Variants in TMEM94 observed in about 807,000 individuals in gnomAD.
The protein encoded by TMEM94 is transmembrane protein 94.
A neutral mutation model predicts 158.6 loss-of-function variants in TMEM94; 81 were observed. The observed-to-expected ratio is 0.51, with a 90% CI of 0.43 to 0.61. The LOEUF is 0.61. TMEM94 is among the 20% of genes least tolerant of loss of function. TMEM94 has a pLI of 0.00. For missense variants in TMEM94, 1,435 were observed against 1,762.0 expected, an observed-to-expected ratio of 0.81 and a Z score of 3.32; for synonymous variants, 751 against 730.7, an observed-to-expected ratio of 1.03 and a Z score of -0.45.
rs1283140305 is a variant in TMEM94, at chr17:75,492,639, A to G, written c.1762A>G (p.Asn588Asp). The G allele has an allele frequency of 1.2e-6, 2 of 1,613,818 alleles. No homozygotes were observed. Among genetic ancestry groups the G allele is most frequent in the South Asian group, 1.1e-5 (1 of 91,074 alleles). The change falls in exon 15 of 32, where the codon AAT becomes GAT. Residue 588 changes from asparagine to aspartate, a missense_variant. Transcript: ENST00000314256. This position sits in a 1 kb window ranked among gnomAD's most constrained non-coding sequence, Gnocchi z 4.4. The stretch of plus-strand genomic sequence containing the variant: ...CACCTCCCTCAAACCCCTGGGCCTC[A>G]ATGTGCTGCTGAACCTGTGTGATGC... ...HLTSLKPLGL[N>D]VLLNLCDASV...
At chr17:75,472,183 G>C (rs2050525613) in intron 2 of TMEM94, among the ~76,000 whole-genome samples, 1 of 152,208 alleles carries the variant, frequency 6.6e-6, no homozygotes, top group Non-Finnish European at 1.5e-5. Context: ...ATTTAGGCTG[G>C]CTCCAAGCCA....
rs1214548164 is a variant in TMEM94 at position 75,485,196 on chromosome 17, T to C, written c.25-232T>C. ...GGAATAAAAGAAAAAGTTGTTTTGT[T>C]TTTTAATTTGGCTGTAAAGAGTAGG... On this transcript the variant is annotated intron_variant, in intron 2 of 31. Transcript: ENST00000314256. The surrounding 1 kb of genome is among the most constrained non-coding windows in gnomAD (Gnocchi z 5.5). 6.6e-6 allele frequency among the ~76,000 whole-genome samples: 1 copy of C among 152,138 alleles called. No individual in the cohort carries two copies. The highest frequency in any genetic ancestry group is 1.5e-5 in the Non-Finnish European group (1 of 68,028).
At chr17:75,496,231 C>G in intron 23 of TMEM94, 51 bp from the exon 24 acceptor site, 1 of 1,610,820 alleles carries the variant, frequency 6.2e-7, no homozygotes, top group Non-Finnish European at 8.5e-7. Context: ...GTGGGGTGCC[C>G]AGTCCTGTGG....
Position 75,491,390 on chromosome 17 carries a change from C to T in TMEM94, c.1321C>T (p.Pro441Ser), listed in dbSNP as rs772653593. ...ACTGTTCTTCAGCGGGAAGGTGGAG[C>T]CCCCTCACAGCAGCCATGAGGACCT... is the stretch of plus-strand genomic sequence containing the variant. ...TVLFFSGKVE[P>S]PHSSHEDLTD... Residue 441 changes from proline to serine, a missense_variant, in exon 13 of 32, where the codon CCC (proline) becomes TCC (serine). Physicochemically the swap from Pro to Ser is moderately conservative, Grantham distance 74. Transcript: ENST00000314256. This position sits in a 1 kb window ranked among gnomAD's most constrained non-coding sequence, Gnocchi z 5.1. The T allele has an allele frequency of 1.2e-6, 2 of 1,613,998 alleles. No individual in the cohort carries two copies. Among genetic ancestry groups the T allele is most frequent in the African/African-American group, 1.3e-5 (1 of 74,940 alleles).
At chr17:75,497,718 C>G in intron 26 of TMEM94, 63 bp from the exon 27 acceptor site, 1 of 1,391,280 alleles carries the variant, frequency 7.2e-7, no homozygotes, top group Non-Finnish European at 1.0e-6. Context: ...GAGGTTCCCT[C>G]TATGAGAATT....
chr17:75,487,810 G>A lies in TMEM94; in HGVS notation c.410-122G>A, dbSNP rs2051749521. 3 of 787,658 alleles carry A rather than the reference G, an allele frequency of 3.8e-6. No individual in the cohort carries two copies. The highest frequency in any genetic ancestry group is 4.5e-5 in the Admixed American group (2 of 44,360). 48.8% of individuals were successfully genotyped at this position (787,658 alleles called of 1,614,324 possible). A position where few individuals can be genotyped will look rare whatever the true frequency, so the allele number is the denominator to read the frequency against. Reference sequence around the variant, plus strand: ...GGGAAGTGTTGGAACGAGTGGAGGGGTTTGACGCAGACCTCCTGGGAGAGG... The same window carrying A: ...GGGAAGTGTTGGAACGAGTGGAGGGATTTGACGCAGACCTCCTGGGAGAGG... On this transcript the variant is annotated intron_variant, in intron 5 of 31. Coordinates refer to ENST00000314256, the MANE Select transcript of TMEM94 (RefSeq NM_014738.6). This position sits in a 1 kb window ranked among gnomAD's most constrained non-coding sequence, Gnocchi z 4.6.
chr17:75,494,569 C>T, intron 18 of TMEM94, 58 bp from the exon 19 acceptor site: 3 of 1,568,350 alleles, frequency 1.9e-6, no homozygotes, highest in Non-Finnish European at 2.6e-6. Context: ...GTGTGTGTGG[C>T]CCTGGGCTGG....
chr17:75,471,238 C>CA (rs763388343), intron 1 of TMEM94, among the ~76,000 whole-genome samples: 12,928 of 69,564 alleles, frequency 0.19, 917 homozygotes, highest in African/African-American at 0.2. Flanking sequence ...GAATCCGTCT[C>CA]AAAAAAAAAA....
chr17:75,491,279 CTATCTCAAATGCTTTCCA>C lies in TMEM94; in HGVS notation c.1234-22_1234-5del, dbSNP rs2052156583. 6.2e-7 allele frequency: 1 copy of C among 1,609,694 alleles called. No homozygotes were observed. The highest frequency in any genetic ancestry group is 2.2e-5 in the East Asian group (1 of 44,880). On this transcript the variant is annotated splice_region_variant and splice_polypyrimidine_tract_variant and intron_variant, in intron 12 of 31. Transcript: ENST00000314256. The surrounding 1 kb of genome is among the most constrained non-coding windows in gnomAD (Gnocchi z 5.1). ...GATAGGCTAATGCCAGGCCCCTTTC[CTATCTCAAATGCTTTCCA>C]TGCAGGTCCTGTGCTGTGTGGACAA... is the stretch of plus-strand genomic sequence containing the variant.
At chr17:75,468,872 C>T (rs2050398416) in intron 1 of TMEM94, among the ~76,000 whole-genome samples, 1 of 152,114 alleles carries the variant, frequency 6.6e-6, no homozygotes, top group African/African-American at 2.4e-5. Context: ...CTCCTGGCCC[C>T]CAAAAGAGCT....
intron 2 of TMEM94, among the ~76,000 whole-genome samples, chr17:75,483,233 C>T (rs902419639): frequency 3.4e-4 from 51 of 152,228 alleles, no homozygotes; most frequent in African/African-American, 1.2e-3. Flanking sequence ...ACACAAGAAT[C>T]GGACTTGATT....
chr17:75,493,963 G>C, intron 18 of TMEM94, 47 bp downstream of exon 18: 1 of 1,565,140 alleles, frequency 6.4e-7, no homozygotes, highest in Non-Finnish European at 8.7e-7. Context: ...GGCTCCCCTG[G>C]GCTGCCGAAG....
At position 75,498,071 on chromosome 17, in the gene TMEM94, C is replaced by A. The variant is rs765920405; in HGVS notation, c.3490-104C>A. 37 of 1,483,462 alleles carry A rather than the reference C, an allele frequency of 2.5e-5. No individual in the cohort carries two copies. Among genetic ancestry groups the A allele is most frequent in the Non-Finnish European group, 3.1e-5 (34 of 1,084,218 alleles). The allele number at this position is 1,483,462 out of a possible 1,614,324, so 91.9% of individuals were successfully genotyped here. A position where few individuals can be genotyped will look rare whatever the true frequency, so the allele number is the denominator to read the frequency against. ...GCTGGGGCTTGAGCTCCCTATCCCCCCAGGCCTGACCATTTACTAAGAGCC... is the reference window on the plus strand; with the variant it reads ...GCTGGGGCTTGAGCTCCCTATCCCCACAGGCCTGACCATTTACTAAGAGCC... On this transcript the variant is annotated intron_variant, in intron 27 of 31. Transcript: ENST00000314256. This position sits in a 1 kb window ranked among gnomAD's most constrained non-coding sequence, Gnocchi z 6.7.
At position 75,488,248 on chromosome 17, in the gene TMEM94, G is replaced by A; in HGVS notation, c.612+114G>A. ...TTCCCGGCCAGCTTACTGGCTTTTT[G>A]GCAGAGGCTCTGGAACATCTTCCTC... On this transcript the variant is annotated intron_variant, in intron 6 of 31. Transcript: ENST00000314256. 3.1e-6 allele frequency: 3 copies of A among 968,834 alleles called. No homozygotes were observed. The South Asian group carries it at 4.4e-5, about 14-fold the overall frequency. The allele number at this position is 968,834 out of a possible 1,614,324, so 60.0% of individuals were successfully genotyped here. A position where few individuals can be genotyped will look rare whatever the true frequency, so the allele number is the denominator to read the frequency against.
rs1370937544 is a variant in TMEM94 at position 75,495,290 on chromosome 17, G to A, written c.2735G>A (p.Arg912Gln). The A allele has an allele frequency of 1.2e-5, 20 of 1,607,960 alleles. No individual in the cohort carries two copies. The highest frequency in any genetic ancestry group is 6.7e-5 in the Admixed American group (4 of 59,340). The change falls in exon 21 of 32, where the codon CGA becomes CAA. Residue 912 changes from arginine (R) to glutamine (Q), a missense_variant. Arg to Gln is a conservative substitution (Grantham distance 43). Coordinates refer to ENST00000314256, the MANE Select transcript of TMEM94 (RefSeq NM_014738.6). The surrounding 1 kb of genome is among the most constrained non-coding windows in gnomAD (Gnocchi z 5.6). ...GAGGCTTTTGTCCCCACAGTGTCCC[G>A]AGATGATGCAGAAGGGCTCCTCCTC... ...SLHDDLNQVS[R>Q]DDAEGLLLME... is the part of the protein sequence containing the mutation.
intron 1 of TMEM94, among the ~76,000 whole-genome samples, chr17:75,458,808 A>G (rs1371070987): frequency 6.6e-6 from 1 of 152,172 alleles, no homozygotes; most frequent in Admixed American, 6.5e-5. Context: ...CTGTAATCCC[A>G]GCACTTTGGG....
chr17:75,491,177 G>A lies in TMEM94; in HGVS notation c.1233+24G>A. 6.3e-7 allele frequency: 1 copy of A among 1,597,474 alleles called. No individual in the cohort carries two copies. The highest frequency in any genetic ancestry group is 8.5e-7 in the Non-Finnish European group (1 of 1,169,660). ...CGGTGAGGGTGGGCCTTGCGGGGAG[G>A]AGGCAACTGTCATGCCCGCCCTGCT... On this transcript the variant is annotated intron_variant, in intron 12 of 31. Transcript: ENST00000314256. This position sits in a 1 kb window ranked among gnomAD's most constrained non-coding sequence, Gnocchi z 5.1.
rs1330217321 is a variant in TMEM94, at chr17:75,463,104, G to GTATATA, written c.-107+6354_-107+6355insATATAT. 9.1e-4 allele frequency among the ~76,000 whole-genome samples: 8 copies of GTATATA among 8,774 alleles called. 1 individual carries two copies. The African/African-American group carries it at 0.012, about 13-fold the overall frequency. 5.8% of individuals were successfully genotyped at this position (8,774 alleles called of 152,430 possible). On this transcript the variant is annotated intron_variant, in intron 1 of 31. Coordinates refer to ENST00000314256, the MANE Select transcript of TMEM94 (RefSeq NM_014738.6). The stretch of plus-strand genomic sequence containing the variant: ...TACACACACACACACATATATATGT[G>GTATATA]TGTATATATATGTATATATATACGT...
intron 1 of TMEM94, among the ~76,000 whole-genome samples, chr17:75,465,674 TATATA>T (rs1249434276): frequency 1.5e-4 from 13 of 85,086 alleles, no homozygotes; most frequent in South Asian, 4.5e-4. Flanking sequence ...TATATATATA[TATATA>T]TTTTTTTTTA....
Sources: gnomAD v4.1 joint callset for allele counts (sites outside exome capture counted in the v4.1 genomes callset) on GRCh38, gnomAD v4.1.1 for gene constraint, Gnocchi (gnomAD v3.1) non-coding constraint, MANE v1.5 for transcripts, NCBI Gene and HGNC (gene_info 2026-07-23, HGNC 2026-07-21) for gene names.